Variants in NOP58 observed in about 807,000 individuals in gnomAD.
NOP58 encodes NOP58 ribonucleoprotein.
NOP58 carries 44 observed loss-of-function variants against 71.2 expected under a neutral mutation model. The ratio of observed to expected loss-of-function variants is 0.62; its 90% CI spans 0.49 to 0.79. NOP58 has a LOEUF of 0.79. NOP58 is among the 30% of genes least tolerant of loss of function. The pLI, the probability that NOP58 is intolerant of heterozygous loss-of-function variation, is 0.00. For missense variants in NOP58, 538 were observed against 620.2 expected (o/e 0.87, Z 1.41); for synonymous variants, 228 against 200.3 (o/e 1.14, Z -1.17).
chr2:202,273,140 T>A (rs370751892), intron 1 of NOP58, among the ~76,000 whole-genome samples: 19 of 152,010 alleles, frequency 1.2e-4, no homozygotes, highest in Admixed American at 2.6e-4. Flanking sequence ...ATAAATAAAT[T>A]AATTAAAAAA....
intron 1 of NOP58, among the ~76,000 whole-genome samples, chr2:202,268,200 T>TA (rs1311148670): frequency 2.6e-5 from 4 of 152,184 alleles, no homozygotes; most frequent in African/African-American, 9.7e-5. Context: ...TCAAAGTTAT[T>TA]AGTTTCCTTT....
At chr2:202,286,010 G>A (rs1574382868) in intron 5 of NOP58, among the ~76,000 whole-genome samples, 1 of 151,790 alleles carries the variant, frequency 6.6e-6, no homozygotes, top group Admixed American at 6.6e-5. Flanking sequence ...GTGAAACCTC[G>A]TCTCTACTAA....
At position 202,303,313 on chromosome 2, in the gene NOP58, TTTATA is replaced by T. The variant is rs1021399481; in HGVS notation, c.1540-70_1540-66del. ...GCTTACTTTTTTTATAGGTGGGGTT[TTTATA>T]TTTTCAATGTGATTACTCACCCATA... On this transcript the variant is annotated intron_variant, in intron 14 of 14. Coordinates refer to ENST00000264279, the MANE Select transcript of NOP58 (RefSeq NM_015934.5). 5.1e-6 allele frequency: 8 copies of T among 1,582,076 alleles called. No individual in the cohort carries two copies. The Admixed American group carries it at 1.5e-4, about 30-fold the overall frequency.
chr2:202,292,673 G>A, intron 8 of NOP58, 104 bp from the exon 9 acceptor site: 1 of 867,240 alleles, frequency 1.2e-6, no homozygotes, highest in Non-Finnish European at 1.9e-6. Flanking sequence ...ACCCAGGGTT[G>A]TGTAGCTGCT....
chr2:202,287,675 A>T lies in NOP58; in HGVS notation c.450A>T (p.Arg150Ser), dbSNP rs774057376. ...TTCTTCCCAGCCTGTCTCGATATAGATTGAAGTTTAGCGCTGATAAAGTAG... is the reference window on the plus strand; with the variant it reads ...TTCTTCCCAGCCTGTCTCGATATAGTTTGAAGTTTAGCGCTGATAAAGTAG... The part of the protein sequence containing the change: ...LGLAHSLSRY[R>S]LKFSADKVDT... The change falls in exon 6 of 15, where the codon AGA (arginine) becomes AGT (serine). Residue 150 changes from arginine to serine, a missense_variant. Physicochemically the swap from Arg to Ser is moderately radical, Grantham distance 110. Coordinates refer to ENST00000264279, the MANE Select transcript of NOP58 (RefSeq NM_015934.5). 3 of 1,612,854 alleles carry T rather than the reference A, an allele frequency of 1.9e-6. No individual in the cohort carries two copies. Among genetic ancestry groups the T allele is most frequent in the Non-Finnish European group, 2.5e-6 (3 of 1,178,860 alleles).
intron 6 of NOP58, among the ~76,000 whole-genome samples, chr2:202,287,956 C>CA (rs943508257): frequency 6.2e-4 from 94 of 151,712 alleles, no homozygotes; most frequent in Admixed American, 1.6e-3. Context: ...ACTAAAAATA[C>CA]AAAAAAAATT....
chr2:202,269,110 C>T (rs886755471), intron 1 of NOP58, among the ~76,000 whole-genome samples: 7 of 152,070 alleles, frequency 4.6e-5, no homozygotes, highest in Non-Finnish European at 7.4e-5. Flanking sequence ...CACCTCCTCC[C>T]GAGTAGCTGG....
intron 9 of NOP58, among the ~76,000 whole-genome samples, chr2:202,295,049 G>T (rs1688968981): frequency 1.3e-5 from 2 of 152,194 alleles, no homozygotes; most frequent in Admixed American, 1.3e-4. Flanking sequence ...AACGGAGAGG[G>T]CTACGAAAGT....
chr2:202,303,427 C>T lies in NOP58; in HGVS notation c.1581C>T (p.Asn527=), dbSNP rs142267123. 194 of 1,609,838 alleles carry T rather than the reference C, an allele frequency of 1.2e-4. No homozygotes were observed. The African/African-American group carries it at 2.2e-3, about 18-fold the overall frequency. ...KKKKKKKKRE[N]ED is the part of the protein sequence containing the mutation. ...AGAAAAAGAAAAAAAAGAGAGAGAA[C>T]GAGGATTAACAGAAAGGAATTACGA... is the stretch of plus-strand genomic sequence containing the variant. Residue 527 remains asparagine, a synonymous_variant, in exon 15 of 15, where the codon AAC becomes AAT. Transcript: ENST00000264279.
rs776205969 is a variant in NOP58 at position 202,290,444 on chromosome 2, T to G, written c.621T>G (p.Cys207Trp). ...CAGATAATTTAACATACTGCAAGTG[T>G]TTACAGAAAGTTGGTGAGTAATTTG... is the stretch of plus-strand genomic sequence containing the variant. ...IISDNLTYCKCLQKVGDRKNY... is the reference protein window; with the variant it reads ...IISDNLTYCKWLQKVGDRKNY... Residue 207 changes from cysteine to tryptophan, a missense_variant, in exon 7 of 15, where the codon TGT becomes TGG. Transcript: ENST00000264279. 6.2e-7 allele frequency: 1 copy of G among 1,608,860 alleles called. No homozygotes were observed. The highest frequency in any genetic ancestry group is 8.5e-7 in the Non-Finnish European group (1 of 1,178,250).
Position 202,291,258 on chromosome 2 carries a change from T to C in NOP58, c.768T>C (p.His256=). Residue 256 remains histidine, a synonymous_variant, in exon 8 of 15, where the codon CAT becomes CAC. Coordinates refer to ENST00000264279, the MANE Select transcript of NOP58 (RefSeq NM_015934.5). ...VSEEDICNIL[H]LCTQVIEISE... is the part of the protein sequence containing the mutation. ...AAGAAGATATTTGCAATATTCTGCA[T>C]CTTTGCACCCAGGTAAATTTTACTC... 6.2e-7 allele frequency: 1 copy of C among 1,605,026 alleles called. No homozygotes were observed. The highest frequency in any genetic ancestry group is 8.5e-7 in the Non-Finnish European group (1 of 1,177,520).
chr2:202,272,345 G>A (rs557912569), intron 1 of NOP58, among the ~76,000 whole-genome samples: 2 of 151,694 alleles, frequency 1.3e-5, no homozygotes, highest in Non-Finnish European at 2.9e-5. Flanking sequence ...AGTTAGAGGC[G>A]GGGTTTCACC....
chr2:202,272,797 GTATATTTGAAGA>G (rs1688531471), intron 1 of NOP58, among the ~76,000 whole-genome samples: 1 of 152,190 alleles, frequency 6.6e-6, no homozygotes, highest in Non-Finnish European at 1.5e-5. Flanking sequence ...TGAAAAGCAA[GTATATTTGAAGA>G]TAACATTTGG....
chr2:202,269,854 G>T (rs1338424870), intron 1 of NOP58, among the ~76,000 whole-genome samples: 2 of 152,212 alleles, frequency 1.3e-5, no homozygotes, highest in Non-Finnish European at 2.9e-5. Flanking sequence ...GCTCTTCCAT[G>T]TGGTAGCCAT....
intron 6 of NOP58, among the ~76,000 whole-genome samples, chr2:202,289,892 T>A (rs1015376173): frequency 6.6e-6 from 1 of 152,188 alleles, no homozygotes; most frequent in African/African-American, 2.4e-5. Context: ...CATAACATCA[T>A]AAGAATACTT....
intron 9 of NOP58, among the ~76,000 whole-genome samples, chr2:202,294,479 C>T (rs1273085428): frequency 2.0e-5 from 3 of 151,902 alleles, no homozygotes; most frequent in Non-Finnish European, 2.9e-5. Context: ...ATGTTGATAA[C>T]AATAGTCCCC....
intron 1 of NOP58, among the ~76,000 whole-genome samples, chr2:202,266,421 C>T (rs1399795573): frequency 6.6e-6 from 1 of 151,998 alleles, no homozygotes; most frequent in East Asian, 1.9e-4. Context: ...GCCTTGGCCT[C>T]CCGAGTAGCT....
At position 202,291,177 on chromosome 2, in the gene NOP58, A is replaced by T; in HGVS notation, c.687A>T (p.Glu229Asp). 3.1e-6 allele frequency: 5 copies of T among 1,613,316 alleles called. No individual in the cohort carries two copies. Among genetic ancestry groups the T allele is most frequent in the Non-Finnish European group, 4.2e-6 (5 of 1,179,750 alleles). The part of the protein sequence containing the change: ...SAKLSELLPE[E>D]VEAEVKAAAE... ...AGCTTTCTGAGTTGCTGCCAGAAGA[A>T]GTTGAAGCAGAAGTGAAAGCAGCTG... The change falls in exon 8 of 15, where the codon GAA (glutamate) becomes GAT (aspartate). Residue 229 changes from glutamate (E) to aspartate (D), a missense_variant. Physicochemically the swap from Glu to Asp is conservative, Grantham distance 45. Coordinates refer to ENST00000264279, the MANE Select transcript of NOP58 (RefSeq NM_015934.5).
chr2:202,278,137 G>A, intron 3 of NOP58, 135 bp downstream of exon 3: 3 of 754,150 alleles, frequency 4.0e-6, no homozygotes, highest in South Asian at 2.7e-5. Flanking sequence ...CATTCTTATT[G>A]GAACTGAATT....
Sources: gnomAD v4.1 joint callset for allele counts (sites outside exome capture counted in the v4.1 genomes callset) on GRCh38, gnomAD v4.1.1 for gene constraint, MANE v1.5 for transcripts, NCBI Gene and HGNC (gene_info 2026-07-23, HGNC 2026-07-21) for gene names.